The following EPHX1 variants were observed in gnomAD, a reference collection of about 807,000 sequenced individuals.
The protein encoded by EPHX1 is epoxide hydrolase 1.
Under a neutral mutation model 43.2 loss-of-function variants are expected in EPHX1, and 40 were observed. That is an observed-to-expected ratio of 0.93 (90% CI 0.72 to 1.21). The LOEUF (loss-of-function observed/expected upper bound fraction) is 1.21. EPHX1 is among the 50% of genes most tolerant of loss of function. The pLI, the probability that EPHX1 is intolerant of heterozygous loss-of-function variation, is 0.00. For synonymous variants in EPHX1, 221 were observed against 226.7 expected, an observed-to-expected ratio of 0.98 and a Z score of 0.22; for missense variants, 550 against 570.4, an observed-to-expected ratio of 0.96 and a Z score of 0.36.
intron 1 of EPHX1, 45 bp from the exon 2 acceptor site, chr1:225,828,680 G>T (rs41266229): frequency 2.5e-6 from 4 of 1,603,808 alleles, no homozygotes; most frequent in Non-Finnish European, 2.6e-6. Context: ...TGTCAGGGCC[G>T]GGCTGGGCGG....
chr1:225,844,400 C>T, intron 7 of EPHX1, 98 bp from the exon 8 acceptor site: 1 of 1,593,374 alleles, frequency 6.3e-7, no homozygotes. Context: ...AGGGAAGCCG[C>T]ATGGGCAGGG....
intron 3 of EPHX1, among the ~76,000 whole-genome samples, chr1:225,835,652 G>A (rs1667918631): frequency 6.6e-6 from 1 of 151,166 alleles, no homozygotes; most frequent in Admixed American, 6.6e-5. Flanking sequence ...GCCTCCCAAA[G>A]TGCTGGGATT....
chr1:225,824,735 T>C (rs751401913), intron 1 of EPHX1, among the ~76,000 whole-genome samples: 4 of 152,162 alleles, frequency 2.6e-5, no homozygotes, highest in Admixed American at 6.5e-5. Context: ...GGTGGGCTCC[T>C]TGGGCTTGGG....
chr1:225,839,920 C>T lies in EPHX1; in HGVS notation c.814C>T (p.Leu272Phe), dbSNP rs758762004. 5.0e-6 allele frequency: 8 copies of T among 1,614,230 alleles called. No individual in the cohort carries two copies. The Admixed American group carries it at 1.3e-4, about 27-fold the overall frequency. ...LLLGQRFGRF[L>F]GLTERDVELL... ...CCTGGGACAGCGTTTCGGGAGGTTT[C>T]TTGGCCTCACTGAGAGGGATGTGGA... The change falls in exon 6 of 9, where the codon CTT (leucine) becomes TTT (phenylalanine). Residue 272 changes from leucine (L) to phenylalanine (F), a missense_variant. Physicochemically the swap from Leu to Phe is conservative, Grantham distance 22. Coordinates refer to ENST00000272167, the MANE Select transcript of EPHX1 (RefSeq NM_001136018.4).
In EPHX1 at chr1:225,823,150, C is replaced by T. The variant is rs772181548; in HGVS notation, c.-5-5575C>T. On this transcript the variant is annotated intron_variant, in intron 1 of 8. Transcript: ENST00000272167. The stretch of plus-strand genomic sequence containing the variant: ...CCCCTCAACTAGTAAACAGTGGAGC[C>T]GAGATTTGAACGACCCAAAGAGGAA... 7.9e-5 allele frequency among the ~76,000 whole-genome samples: 12 copies of T among 152,054 alleles called. No homozygotes were observed. In the East Asian group the frequency reaches 1.5e-3, roughly 20 times the overall value.
chr1:225,835,251 C>T (rs543035423), intron 3 of EPHX1, among the ~76,000 whole-genome samples: 24 of 152,230 alleles, frequency 1.6e-4, no homozygotes, highest in African/African-American at 5.8e-4. Context: ...CAGGGTCTCA[C>T]TCTGTCAGCC....
chr1:225,834,441 C>T (rs545518163), intron 3 of EPHX1, among the ~76,000 whole-genome samples: 2 of 152,078 alleles, frequency 1.3e-5, no homozygotes, highest in African/African-American at 4.8e-5. Context: ...ACGGAAACCT[C>T]GACTTGGAGG....
At chr1:225,814,674 A>G (rs1045373636) in intron 1 of EPHX1, among the ~76,000 whole-genome samples, 10 of 152,250 alleles carry the variant, frequency 6.6e-5, no homozygotes, top group African/African-American at 2.4e-4. Flanking sequence ...ATGCCGTGAG[A>G]GGCCAGGAGC....
At chr1:225,826,779 G>A (rs1025214247) in intron 1 of EPHX1, among the ~76,000 whole-genome samples, 1 of 152,062 alleles carries the variant, frequency 6.6e-6, no homozygotes, top group Non-Finnish European at 1.5e-5. Context: ...TCACATGTGG[G>A]GTGATAAGGG....
Position 225,831,827 on chromosome 1 carries a change from G to T in EPHX1, c.232G>T (p.Asp78Tyr), listed in dbSNP as rs770081240. Residue 78 changes from aspartate (D) to tyrosine (Y), a missense_variant, in exon 3 of 9, where the codon GAC becomes TAC. By Grantham distance (160) the Asp-to-Tyr change is radical (BLOSUM62 -3). Transcript: ENST00000272167. ...GTTCCGTTTCACCCCACCTTTGGAG[G>T]ACAGCTGCTTCCACTATGGCTTCAA... ...DKFRFTPPLE[D>Y]SCFHYGFNSN... The T allele has an allele frequency of 3.1e-6, 5 of 1,614,188 alleles. No individual in the cohort carries two copies. The highest frequency in any genetic ancestry group is 4.2e-6 in the Non-Finnish European group (5 of 1,180,032).
intron 7 of EPHX1, among the ~76,000 whole-genome samples, 193 bp from the exon 8 acceptor site, chr1:225,844,305 C>T (rs1183084536): frequency 1.3e-5 from 2 of 152,058 alleles, no homozygotes; most frequent in Admixed American, 6.5e-5. Flanking sequence ...GACACTTCAA[C>T]TAAATCCATG....
At chr1:225,829,277 C>A (rs1288506448) in intron 2 of EPHX1, among the ~76,000 whole-genome samples, 1 of 152,140 alleles carries the variant, frequency 6.6e-6, no homozygotes, top group African/African-American at 2.4e-5. Context: ...CGTCAGAGAC[C>A]CAGGAAGCAC....
intron 1 of EPHX1, among the ~76,000 whole-genome samples, chr1:225,825,015 A>G (rs1667163740): frequency 6.6e-6 from 1 of 152,216 alleles, no homozygotes; most frequent in Admixed American, 6.5e-5. Context: ...AAGTACTAAT[A>G]TTCTTGTTAT....
chr1:225,844,940 C>T (rs1388710533), intron 8 of EPHX1, among the ~76,000 whole-genome samples: 1 of 152,172 alleles, frequency 6.6e-6, no homozygotes, highest in African/African-American at 2.4e-5. Context: ...GAGGCTGTCC[C>T]ATGCCCCTGC....
intron 1 of EPHX1, among the ~76,000 whole-genome samples, chr1:225,815,480 T>A (rs1666684585): frequency 6.7e-6 from 1 of 148,732 alleles, no homozygotes; most frequent in Admixed American, 6.8e-5. Context: ...CTTGAACTCC[T>A]GGGCTCAAGC....
At chr1:225,840,254 C>T (rs1189374192) in intron 6 of EPHX1, among the ~76,000 whole-genome samples, 4 of 152,196 alleles carry the variant, frequency 2.6e-5, no homozygotes, top group Admixed American at 2.6e-4. Flanking sequence ...TCTGTTTAGC[C>T]GACTCAGTAT....
chr1:225,844,626 G>T lies in EPHX1; in HGVS notation c.1166+3G>T, dbSNP rs1387478882. The T allele has an allele frequency of 6.2e-7, 1 of 1,613,766 alleles. No homozygotes were observed. Among genetic ancestry groups the T allele is most frequent in the Non-Finnish European group, 8.5e-7 (1 of 1,180,004 alleles). ...TGGATGACCCAGAAGCATGAGCGGT[G>T]AGCCTGGCTGAGCCGAGAACAGGGG... On this transcript the variant is annotated splice_donor_region_variant and intron_variant, in intron 8 of 8. Transcript: ENST00000272167.
rs757356785 is a variant in EPHX1 at position 225,838,818 on chromosome 1, G to C, written c.529G>C (p.Val177Leu). 1 of 1,614,220 alleles carries C rather than the reference G, an allele frequency of 6.2e-7. No individual in the cohort carries two copies. The highest frequency in any genetic ancestry group is 2.2e-5 in the East Asian group (1 of 44,874). Reference protein sequence around the residue: ...PKNHGLSDEHVFEVICPSIPG... With the variant: ...PKNHGLSDEHLFEVICPSIPG... ...GAACCATGGCCTGAGCGATGAGCAC[G>C]TTTTTGAAGTCATCTGCCCTTCCAT... is the stretch of plus-strand genomic sequence containing the variant. Residue 177 changes from valine to leucine, a missense_variant, in exon 4 of 9, where the codon GTT becomes CTT. Physicochemically the swap from Val to Leu is conservative, Grantham distance 32 (BLOSUM62 1). Transcript: ENST00000272167.
At chr1:225,812,813 G>A (rs1192428723) in intron 1 of EPHX1, among the ~76,000 whole-genome samples, 4 of 152,186 alleles carry the variant, frequency 2.6e-5, no homozygotes, top group South Asian at 2.1e-4. Context: ...CCACCCACTC[G>A]GGGACAGAGT....
Sources: allele counts gnomAD v4.1 joint callset (sites outside exome capture counted in the v4.1 genomes callset), GRCh38; gene constraint gnomAD v4.1.1; transcripts MANE v1.5; gene names NCBI Gene and HGNC (gene_info 2026-07-23, HGNC 2026-07-21).